The following FRMD4A variants were observed in gnomAD, a reference collection of about 807,000 sequenced individuals.
The protein encoded by FRMD4A is FERM domain-containing protein 4A.
A neutral mutation model predicts 129.1 loss-of-function variants in FRMD4A; 29 were observed. The ratio of observed to expected loss-of-function variants is 0.22; its 90% CI spans 0.17 to 0.31. The LOEUF is 0.31. Among genes scored for constraint, FRMD4A ranks in the 10% least tolerant of loss-of-function variants. The pLI is 1.00. For synonymous variants in FRMD4A, 634 were observed against 571.6 expected (o/e 1.11, Z -1.56); for missense variants, 1,272 against 1,375.8 (o/e 0.92, Z 1.19).
chr10:13,834,243 A>G lies in FRMD4A; in HGVS notation c.112-23335T>C, dbSNP rs537941565. On this transcript the variant is annotated intron_variant, in intron 3 of 24. Transcript: ENST00000357447. ...TGTACCCTTGCACTCCAGCCTGGGCAACAGAGTAAGACTCCATCTCAGAAA... is the reference window on the plus strand; with the variant it reads ...TGTACCCTTGCACTCCAGCCTGGGCGACAGAGTAAGACTCCATCTCAGAAA... 8.5e-5 allele frequency among the ~76,000 whole-genome samples: 13 copies of G among 152,250 alleles called. No homozygotes were observed. In the East Asian group the frequency reaches 1.4e-3, roughly 16 times the overall value.
chr10:13,962,784 T>C (rs1266873058), intron 2 of FRMD4A, among the ~76,000 whole-genome samples: 2 of 152,210 alleles, frequency 1.3e-5, no homozygotes, highest in Admixed American at 1.3e-4. Flanking sequence ...GATTAGCATA[T>C]GGCGGGAGAG....
At chr10:13,845,797 A>T (rs2130991086) in intron 3 of FRMD4A, among the ~76,000 whole-genome samples, 1 of 152,338 alleles carries the variant, frequency 6.6e-6, no homozygotes, top group Admixed American at 6.5e-5. Context: ...TTCTCCGTTT[A>T]CAGATGAAGA....
Position 14,143,608 on chromosome 10 carries a change from G to C in FRMD4A, c.45+186450C>G, listed in dbSNP as rs188168431. Among the ~76,000 whole-genome samples, 33 of 152,016 alleles carry C rather than the reference G, an allele frequency of 2.2e-4. 1 individual carries two copies. The highest frequency in any genetic ancestry group is 1.4e-3 in the Admixed American group (21 of 15,244). On this transcript the variant is annotated intron_variant, in intron 2 of 24. Transcript: ENST00000357447. ...CTTAAGATGGTTACAATAGTTTTTT[G>C]TTGTTGTTGTTGTTGTTGTTTCTGA...
At chr10:14,302,156 C>T (rs1589284709) in intron 2 of FRMD4A, among the ~76,000 whole-genome samples, 1 of 152,190 alleles carries the variant, frequency 6.6e-6, no homozygotes, top group Non-Finnish European at 1.5e-5. Context: ...CCAACCCTGT[C>T]CTTAAATGCC....
At chr10:13,724,260 C>A (rs1029730894) in intron 12 of FRMD4A, among the ~76,000 whole-genome samples, 1 of 151,980 alleles carries the variant, frequency 6.6e-6, no homozygotes, top group Admixed American at 6.6e-5. Context: ...TGGTGGCGGG[C>A]GCCTGTAGTC....
chr10:14,268,249 A>C (rs1020819902), intron 2 of FRMD4A, among the ~76,000 whole-genome samples: 1 of 152,212 alleles, frequency 6.6e-6, no homozygotes, highest in African/African-American at 2.4e-5. Flanking sequence ...CACAGCTGTG[A>C]ACTACAAAAC....
chr10:14,168,877 G>C (rs1188839293), intron 2 of FRMD4A, among the ~76,000 whole-genome samples: 2 of 152,174 alleles, frequency 1.3e-5, no homozygotes, highest in Non-Finnish European at 2.9e-5. Flanking sequence ...ATAAGCCATG[G>C]TGCCTCTCAC....
chr10:13,833,705 C>T (rs1276013403), intron 3 of FRMD4A, among the ~76,000 whole-genome samples: 1 of 152,022 alleles, frequency 6.6e-6, no homozygotes, highest in East Asian at 1.9e-4. Flanking sequence ...AGAACAATGC[C>T]TAGCATCTCG....
chr10:13,779,548 A>T (rs567291760), intron 6 of FRMD4A, among the ~76,000 whole-genome samples: 1 of 152,274 alleles, frequency 6.6e-6, no homozygotes, highest in East Asian at 1.9e-4. Flanking sequence ...AGTCCCTGAC[A>T]TTTTACCCAG....
At chr10:14,107,872 G>A (rs538402188) in intron 2 of FRMD4A, among the ~76,000 whole-genome samples, 33 of 152,246 alleles carry the variant, frequency 2.2e-4, no homozygotes, top group Admixed American at 2.6e-4. Flanking sequence ...GGTTATTCCA[G>A]GTTGCTTTTC....
intron 2 of FRMD4A, among the ~76,000 whole-genome samples, chr10:14,160,976 G>A (rs7358064): frequency 0.29 from 44,049 of 151,876 alleles, 7,248 homozygotes; most frequent in East Asian, 0.51. Context: ...CTCTTGAGAC[G>A]GGAGTTTCAC....
intron 2 of FRMD4A, among the ~76,000 whole-genome samples, chr10:14,037,226 A>G (rs1392087232): frequency 6.6e-6 from 1 of 152,150 alleles, no homozygotes; most frequent in African/African-American, 2.4e-5. Flanking sequence ...CACTGTCCGG[A>G]TCTGGAATAT....
chr10:13,987,849 AATG>A (rs2095587398), intron 2 of FRMD4A, among the ~76,000 whole-genome samples: 1 of 152,242 alleles, frequency 6.6e-6, no homozygotes, highest in Non-Finnish European at 1.5e-5. Flanking sequence ...CAGAAGGTCT[AATG>A]ATTTCAGAGT....
chr10:14,108,661 T>C (rs2053972898), intron 2 of FRMD4A, among the ~76,000 whole-genome samples: 1 of 152,154 alleles, frequency 6.6e-6, no homozygotes, highest in Admixed American at 6.6e-5. Flanking sequence ...AAAATAGCCT[T>C]GGAGAAAGAA....
chr10:14,036,884 T>C (rs889756994), intron 2 of FRMD4A, among the ~76,000 whole-genome samples: 1 of 152,162 alleles, frequency 6.6e-6, no homozygotes, highest in African/African-American at 2.4e-5. Context: ...CCGTGCCCAG[T>C]TGGGAGCAAC....
chr10:13,836,524 G>A (rs867912807), intron 3 of FRMD4A, among the ~76,000 whole-genome samples: 71 of 152,268 alleles, frequency 4.7e-4, no homozygotes, highest in African/African-American at 1.7e-3. Flanking sequence ...GGCTTGTTTG[G>A]AGCCACCCGT....
chr10:13,684,564 T>C (rs1164141271), intron 15 of FRMD4A: 1 of 985,368 alleles, frequency 1.0e-6, no homozygotes, highest in Non-Finnish European at 1.2e-6. Flanking sequence ...AAGGACAGCC[T>C]CTTTCAGCCT....
At chr10:14,157,694 T>C (rs948501441) in intron 2 of FRMD4A, among the ~76,000 whole-genome samples, 4 of 152,186 alleles carry the variant, frequency 2.6e-5, no homozygotes, top group African/African-American at 9.7e-5. Flanking sequence ...TGAATCTTAG[T>C]CTTCTATTTG....
intron 2 of FRMD4A, among the ~76,000 whole-genome samples, chr10:14,080,899 G>A (rs1396846842): frequency 6.6e-6 from 1 of 151,630 alleles, no homozygotes; most frequent in African/African-American, 2.4e-5. Flanking sequence ...AGAAAAGAAA[G>A]GCACTCTGTT....
Sources: gnomAD v4.1 joint callset for allele counts (sites outside exome capture counted in the v4.1 genomes callset) on GRCh38, gnomAD v4.1.1 for gene constraint, MANE v1.5 for transcripts, NCBI Gene and HGNC (gene_info 2026-07-23, HGNC 2026-07-21) for gene names.